The following TECPR2 variants were observed in gnomAD, a reference collection of about 807,000 sequenced individuals.
The protein encoded by TECPR2 is tectonin beta-propeller repeat containing 2, also known as tectonin beta-propeller repeat-containing protein 2.
Under a neutral mutation model 138.1 loss-of-function variants are expected in TECPR2, and 65 were observed. The ratio of observed to expected loss-of-function variants is 0.47; its 90% confidence interval spans 0.39 to 0.58. TECPR2 has a LOEUF of 0.58. Ranked by LOEUF, TECPR2 falls within the 20% of genes least tolerant of loss-of-function variation. The pLI is 0.00. For missense variants in TECPR2, 1,553 were observed against 1,824.5 expected (o/e 0.85, Z 2.71); for synonymous variants, 746 against 749.8 (o/e 0.99, Z 0.08).
At chr14:102,429,143 G>A (rs778401749) in intron 7 of TECPR2, among the ~76,000 whole-genome samples, 6 of 152,094 alleles carry the variant, frequency 3.9e-5, no homozygotes, top group Non-Finnish European at 8.8e-5. Context: ...CACTGTGCCC[G>A]GCCGCTCCTC....
chr14:102,374,809 G>A (rs553228800), intron 1 of TECPR2, among the ~76,000 whole-genome samples: 13 of 152,276 alleles, frequency 8.5e-5, no homozygotes, highest in African/African-American at 2.9e-4. Context: ...AGGATTACAG[G>A]CATAAGCCAC....
chr14:102,491,154 A>G (rs1315277154), intron 17 of TECPR2, among the ~76,000 whole-genome samples: 1 of 152,160 alleles, frequency 6.6e-6, no homozygotes, highest in Non-Finnish European at 1.5e-5. Flanking sequence ...TGGGCCTCCC[A>G]AAGTGCTGGG....
intron 16 of TECPR2, among the ~76,000 whole-genome samples, chr14:102,455,212 G>C (rs1161687812): frequency 6.6e-6 from 1 of 152,188 alleles, no homozygotes; most frequent in African/African-American, 2.4e-5. Context: ...GGATGGCCTG[G>C]GGATCCTGGT....
At chr14:102,387,654 G>C (rs754293228) in intron 2 of TECPR2, among the ~76,000 whole-genome samples, 1 of 152,010 alleles carries the variant, frequency 6.6e-6, no homozygotes, top group Non-Finnish European at 1.5e-5. Flanking sequence ...AGACTCCCGA[G>C]TAGCTGGGAC....
intron 1 of TECPR2, among the ~76,000 whole-genome samples, chr14:102,367,550 C>T (rs1021294200): frequency 6.6e-6 from 1 of 152,170 alleles, no homozygotes; most frequent in African/African-American, 2.4e-5. Flanking sequence ...ATAATATTCT[C>T]AGGATTCCTC....
Position 102,449,713 on chromosome 14 carries a change from G to A in TECPR2, c.3160G>A (p.Ala1054Thr). ...IHATHSVATAAQAPVEKVADK... is the reference protein window; with the variant it reads ...IHATHSVATATQAPVEKVADK... ...TGCCACTCACTCGGTGGCCACAGCA[G>A]CCCAAGCCCCCGTAGAAAAGGTGGC... is the stretch of plus-strand genomic sequence containing the variant. Residue 1054 changes from alanine to threonine, a missense_variant, in exon 14 of 20, where the codon GCC becomes ACC. By Grantham distance (58) the Ala-to-Thr change is moderately conservative (BLOSUM62 0). Coordinates refer to ENST00000359520, the MANE Select transcript of TECPR2 (RefSeq NM_014844.5). The A allele has an allele frequency of 1.2e-6, 2 of 1,614,144 alleles. No individual in the cohort carries two copies. Among genetic ancestry groups the A allele is most frequent in the Non-Finnish European group, 1.7e-6 (2 of 1,180,034 alleles).
At chr14:102,428,622 C>T (rs935163491) in intron 7 of TECPR2, among the ~76,000 whole-genome samples, 2 of 151,930 alleles carry the variant, frequency 1.3e-5, no homozygotes, top group Admixed American at 1.3e-4. Context: ...ACTAGCCAGG[C>T]GTGGTGGCAT....
chr14:102,485,372 T>G (rs1891001153), intron 17 of TECPR2, among the ~76,000 whole-genome samples: 1 of 152,222 alleles, frequency 6.6e-6, no homozygotes, highest in Admixed American at 6.5e-5. Flanking sequence ...TTTTGCCACT[T>G]CCTTTAATTT....
At chr14:102,481,911 T>G (rs977919114) in intron 17 of TECPR2, among the ~76,000 whole-genome samples, 1 of 152,150 alleles carries the variant, frequency 6.6e-6, no homozygotes, top group Admixed American at 6.5e-5. Context: ...CTGCAGTGCT[T>G]CCTGGGCACG....
chr14:102,490,957 C>T (rs1408662570), intron 17 of TECPR2, among the ~76,000 whole-genome samples: 3 of 152,204 alleles, frequency 2.0e-5, no homozygotes, highest in African/African-American at 4.8e-5. Context: ...TGCAATGTCA[C>T]GATCTCAGCT....
intron 6 of TECPR2, among the ~76,000 whole-genome samples, chr14:102,426,868 AAAG>A (rs1282538063): frequency 6.6e-6 from 1 of 152,220 alleles, no homozygotes; most frequent in Non-Finnish European, 1.5e-5. Context: ...GAAAAAAAGA[AAAG>A]AAAGGGTTTT....
In TECPR2 at chr14:102,498,681, G is replaced by A. The variant is rs1038208898; in HGVS notation, c.*424G>A. 7 of 405,440 alleles carry A rather than the reference G, an allele frequency of 1.7e-5. No individual in the cohort carries two copies. The East Asian group carries it at 4.1e-4, about 23-fold the overall frequency. 25.1% of individuals were successfully genotyped at this position (405,440 alleles called of 1,614,324 possible). On this transcript the variant is annotated 3_prime_UTR_variant, in exon 20 of 20. Transcript: ENST00000359520. ...GCCCCAGGGCCAGATGGAGCCAAAG[G>A]TCAGCTCTCTGCAGCGCGGGATGTG...
intron 3 of TECPR2, 24 bp downstream of exon 3, chr14:102,407,490 G>T (rs199946618): frequency 1.3e-6 from 2 of 1,583,106 alleles, no homozygotes; most frequent in Non-Finnish European, 1.7e-6. Flanking sequence ...ATCTTAACAC[G>T]TGTTAACTTC....
intron 10 of TECPR2, among the ~76,000 whole-genome samples, chr14:102,438,724 A>G (rs1889748456): frequency 6.6e-6 from 1 of 152,180 alleles, no homozygotes; most frequent in South Asian, 2.1e-4. Flanking sequence ...TCTAAAAGGA[A>G]AGTCCATTCA....
intron 16 of TECPR2, among the ~76,000 whole-genome samples, chr14:102,464,332 A>G (rs1295529946): frequency 6.6e-6 from 1 of 152,180 alleles, no homozygotes; most frequent in Non-Finnish European, 1.5e-5. Flanking sequence ...TCCTCTTGCA[A>G]TCAGTCTCAA....
chr14:102,387,529 C>CT (rs1368242295), intron 2 of TECPR2, among the ~76,000 whole-genome samples: 3,499 of 141,518 alleles, frequency 0.025, 40 homozygotes, highest in Middle Eastern at 0.03. Flanking sequence ...TCAGAGCTGT[C>CT]TTTTTTTTTT....
intron 8 of TECPR2, among the ~76,000 whole-genome samples, chr14:102,432,613 T>A (rs563714889): frequency 3.3e-5 from 5 of 152,018 alleles, no homozygotes; most frequent in Admixed American, 2.6e-4. Context: ...CAGGCTGGTC[T>A]TGAACTCCCA....
At position 102,501,032 on chromosome 14, in the gene TECPR2, T is replaced by G. The variant is rs979228359; in HGVS notation, c.*2775T>G. 6.6e-6 allele frequency: 1 copy of G among 152,174 alleles called. No homozygotes were observed. Among genetic ancestry groups the G allele is most frequent in the African/African-American group, 2.4e-5 (1 of 41,422 alleles). The allele number at this position is 152,174 out of a possible 1,614,324, so 9.4% of individuals were successfully genotyped here. Reference sequence around the variant, plus strand: ...GTCACTCCTGGGAAGAAGAAACGGGTGAGAACTGCTAAGTGATGACAGGTG... The same window carrying G: ...GTCACTCCTGGGAAGAAGAAACGGGGGAGAACTGCTAAGTGATGACAGGTG... On this transcript the variant is annotated 3_prime_UTR_variant, in exon 20 of 20. Transcript: ENST00000359520.
chr14:102,458,823 T>C (rs893570705), intron 16 of TECPR2, among the ~76,000 whole-genome samples: 1 of 151,902 alleles, frequency 6.6e-6, no homozygotes, highest in Non-Finnish European at 1.5e-5. Flanking sequence ...TACCTGTCAT[T>C]TCAGAGCCAA....
Sources: allele counts gnomAD v4.1 joint callset (sites outside exome capture counted in the v4.1 genomes callset), GRCh38; gene constraint gnomAD v4.1.1; transcripts MANE v1.5; gene names NCBI Gene and HGNC (gene_info 2026-07-23, HGNC 2026-07-21).